Variants in MEGF8 observed in about 807,000 individuals in gnomAD.
MEGF8 encodes multiple epidermal growth factor-like domains protein 8.
A neutral mutation model predicts 302.9 loss-of-function variants in MEGF8; 156 were observed. The observed-to-expected ratio is 0.52, with a 90% CI of 0.45 to 0.59. The LOEUF is 0.59. MEGF8 is among the 20% of genes least tolerant of loss of function. The probability of loss-of-function intolerance (pLI) is 0.00; values close to 1 mark genes in which losing one functional copy is unlikely to be tolerated. For missense variants in MEGF8, 3,345 were observed against 3,964.5 expected (o/e 0.84, Z 4.20); for synonymous variants, 1,621 against 1,660.5 (o/e 0.98, Z 0.58).
rs779081162 is a variant in MEGF8, at chr19:42,352,065, TCTC to T, written c.3102-140_3102-138del. 4.8e-5 allele frequency: 55 copies of T among 1,149,692 alleles called. No homozygotes were observed. The highest frequency in any genetic ancestry group is 6.0e-5 in the Non-Finnish European group (50 of 836,618). 71.2% of individuals were successfully genotyped at this position (1,149,692 alleles called of 1,614,324 possible). On this transcript the variant is annotated intron_variant, in intron 18 of 41. Coordinates refer to ENST00000251268, the MANE Select transcript of MEGF8 (RefSeq NM_001271938.2). This position sits in a 1 kb window ranked among gnomAD's most constrained non-coding sequence, Gnocchi z 4.4. ...TCCAAAATTGTTTTTGTCTGCGACTTCTCCTGGTTTCTCTGTCTCTCTTTCCAA... is the reference window on the plus strand; with the variant it reads ...TCCAAAATTGTTTTTGTCTGCGACTTCTGGTTTCTCTGTCTCTCTTTCCAA...
Position 42,369,622 on chromosome 19 carries a change from G to T in MEGF8, c.6733G>T (p.Val2245Leu), listed in dbSNP as rs376399763. Residue 2245 changes from valine (V) to leucine (L), a missense_variant, in exon 38 of 42, where the codon GTG (valine) becomes TTG (leucine). Coordinates refer to ENST00000251268, the MANE Select transcript of MEGF8 (RefSeq NM_001271938.2). This position sits in a 1 kb window ranked among gnomAD's most constrained non-coding sequence, Gnocchi z 5.7. The stretch of plus-strand genomic sequence containing the variant: ...CCACTGCCGCTGCCACTTTGGCTTT[G>T]TGGGCCGCAACTGCTCCACGGAATG... ...PDHCRCHFGF[V>L]GRNCSTECRC... The T allele has an allele frequency of 6.2e-7, 1 of 1,612,942 alleles. No individual in the cohort carries two copies.
In MEGF8 at chr19:42,368,714, T is replaced by G; in HGVS notation, c.6481+52T>G. ...GAGGGGCTGGCCCTTGGTTGGGGTC[T>G]GATACAGTGAACATAGGGATACTGG... On this transcript the variant is annotated intron_variant, in intron 36 of 41. Transcript: ENST00000251268. This position sits in a 1 kb window ranked among gnomAD's most constrained non-coding sequence, Gnocchi z 4.9. 1 of 1,538,176 alleles carries G rather than the reference T, an allele frequency of 6.5e-7. No homozygotes were observed. Among genetic ancestry groups the G allele is most frequent in the Non-Finnish European group, 8.7e-7 (1 of 1,144,118 alleles).
chr19:42,370,206 G>C lies in MEGF8; in HGVS notation c.6852G>C (p.Gln2284His), dbSNP rs1449289672. Residue 2284 changes from glutamine to histidine, a missense_variant, in exon 39 of 42, where the codon CAG (glutamine) becomes CAC (histidine). Physicochemically the swap from Gln to His is conservative, Grantham distance 24. Transcript: ENST00000251268. ...RNHTKGSHCE[Q>H]CLPLFVGSAV... ...GTTCTCAGGGCAGCCACTGTGAGCA[G>C]TGCCTCCCGCTGTTTGTGGGTTCAG... The C allele has an allele frequency of 3.1e-6, 5 of 1,613,002 alleles. No individual in the cohort carries two copies. The African/African-American group carries it at 5.3e-5, about 17-fold the overall frequency.
At position 42,334,324 on chromosome 19, in the gene MEGF8, C is replaced by G; in HGVS notation, c.558+111C>G. ...CCTGCATGAAACTCCCCCCACCACC[C>G]CACCCTCCTCCGTGACACCCACTTC... On this transcript the variant is annotated intron_variant, in intron 3 of 41. Coordinates refer to ENST00000251268, the MANE Select transcript of MEGF8 (RefSeq NM_001271938.2). The G allele has an allele frequency of 3.9e-6, 4 of 1,020,368 alleles. No individual in the cohort carries two copies. The South Asian group carries it at 6.7e-5, about 17-fold the overall frequency. 63.2% of individuals were successfully genotyped at this position (1,020,368 alleles called of 1,614,324 possible).
Position 42,369,841 on chromosome 19 carries a change from G to A in MEGF8, c.6834+118G>A. 1 of 1,173,462 alleles carries A rather than the reference G, an allele frequency of 8.5e-7. No homozygotes were observed. Among genetic ancestry groups the A allele is most frequent in the Admixed American group, 2.4e-5 (1 of 41,698 alleles). 72.7% of individuals were successfully genotyped at this position (1,173,462 alleles called of 1,614,324 possible). A position where few individuals can be genotyped will look rare whatever the true frequency, so the allele number is the denominator to read the frequency against. ...GCCCTGATAAGCCAGGGACAGATAA[G>A]CCAGAGCCCTGTCCCAGGGAGATGT... On this transcript the variant is annotated intron_variant, in intron 38 of 41. Transcript: ENST00000251268. The surrounding 1 kb of genome is among the most constrained non-coding windows in gnomAD (Gnocchi z 5.7).
intron 41 of MEGF8, among the ~76,000 whole-genome samples, chr19:42,371,866 T>C (rs1413057390): frequency 6.6e-6 from 1 of 152,098 alleles, no homozygotes; most frequent in Non-Finnish European, 1.5e-5. Context: ...GAGGATCACT[T>C]GAGCCCGGGG....
At chr19:42,332,920 C>T (rs1298876518) in intron 1 of MEGF8, among the ~76,000 whole-genome samples, 2 of 152,138 alleles carry the variant, frequency 1.3e-5, no homozygotes, top group Non-Finnish European at 2.9e-5. Flanking sequence ...ATGAGGAGAC[C>T]GATCCAGAGG....
chr19:42,337,708 G>A (rs1183061932), intron 8 of MEGF8, among the ~76,000 whole-genome samples: 1 of 151,872 alleles, frequency 6.6e-6, no homozygotes, highest in African/African-American at 2.4e-5. Context: ...GGGTTTCACC[G>A]TGTTAGCCAG....
chr19:42,356,298 C>T lies in MEGF8; in HGVS notation c.4504-37C>T, dbSNP rs763548217. ...ACCCAGGCCTGGCACTTTGTCCTGACCCTAGCCTGATCCCCAATGTCCGCA... is the reference window on the plus strand; with the variant it reads ...ACCCAGGCCTGGCACTTTGTCCTGATCCTAGCCTGATCCCCAATGTCCGCA... On this transcript the variant is annotated intron_variant, in intron 25 of 41. Transcript: ENST00000251268. This position sits in a 1 kb window ranked among gnomAD's most constrained non-coding sequence, Gnocchi z 5.2. The T allele has an allele frequency of 5.0e-6, 8 of 1,590,424 alleles. No homozygotes were observed. The highest frequency in any genetic ancestry group is 1.3e-5 in the African/African-American group (1 of 74,306).
chr19:42,370,838 GGAA>G lies in MEGF8; in HGVS notation c.7136+8_7136+10del. On this transcript the variant is annotated splice_region_variant and intron_variant, in intron 40 of 41. Coordinates refer to ENST00000251268, the MANE Select transcript of MEGF8 (RefSeq NM_001271938.2). ...TGGACGGGAAGTGCACCAAGTAAGA[GGAA>G]CCGGGGGGGGGGGGGGGGGGGGGGG... 1 of 252,868 alleles carries G rather than the reference GGAA, an allele frequency of 4.0e-6. No homozygotes were observed. The highest frequency in any genetic ancestry group is 3.0e-5 in the South Asian group (1 of 33,646). The allele number at this position is 252,868 out of a possible 1,614,324, so 15.7% of individuals were successfully genotyped here. A position where few individuals can be genotyped will look rare whatever the true frequency, so the allele number is the denominator to read the frequency against.
chr19:42,333,756 T>C lies in MEGF8; in HGVS notation c.339T>C (p.Ala113=). Residue 113 remains alanine, a synonymous_variant, in exon 2 of 42, where the codon GCT becomes GCC. Coordinates refer to ENST00000251268, the MANE Select transcript of MEGF8 (RefSeq NM_001271938.2). ...SGSTRPPPIE[A]SSGKMLLHLF... ...GCACCCGACCTCCGCCCATCGAAGC[T>C]TCCTCAGGCAAGGTTAGTGGGGATG... 6.2e-7 allele frequency: 1 copy of C among 1,613,858 alleles called. No homozygotes were observed. The highest frequency in any genetic ancestry group is 8.5e-7 in the Non-Finnish European group (1 of 1,179,834).
At position 42,362,867 on chromosome 19, in the gene MEGF8, C is replaced by T. The variant is rs184090168; in HGVS notation, c.6059-181C>T. ...GAGGAGGGGCTGGGGGCCTGGACTC[C>T]TGGGTCTGAGGGAGGAGGGGCTGGG... On this transcript the variant is annotated intron_variant, in intron 34 of 41. Transcript: ENST00000251268. Among the ~76,000 whole-genome samples, 3,925 of 145,428 alleles carry T rather than the reference C, an allele frequency of 0.027. 151 individuals carry two copies. The highest frequency in any genetic ancestry group is 0.096 in the African/African-American group (3,676 of 38,296).
At chr19:42,371,531 A>T in intron 41 of MEGF8, 49 bp downstream of exon 41, 1 of 1,610,290 alleles carries the variant, frequency 6.2e-7, no homozygotes, top group Non-Finnish European at 8.5e-7. Context: ...CACCTTGTGG[A>T]GGTCAGGGCT....
At chr19:42,355,144 A>T (rs2039432712) in intron 23 of MEGF8, among the ~76,000 whole-genome samples, 1 of 152,098 alleles carries the variant, frequency 6.6e-6, no homozygotes, top group South Asian at 2.1e-4. Flanking sequence ...TTTAGTAGAG[A>T]CAGGGTTTCA....
In MEGF8 at chr19:42,370,191, C is replaced by T; in HGVS notation, c.6837C>T (p.Gly2279=). ...ACTACCCTGTCCTGGGTTCTCAGGG[C>T]AGCCACTGTGAGCAGTGCCTCCCGC... The part of the protein sequence containing the change: ...HCLLCRNHTK[G]SHCEQCLPLF... The change falls in exon 39 of 42, where the codon GGC becomes GGT. Residue 2279 remains glycine, a splice_region_variant and synonymous_variant. Transcript: ENST00000251268. 6.2e-7 allele frequency: 1 copy of T among 1,611,392 alleles called. No individual in the cohort carries two copies. Among genetic ancestry groups the T allele is most frequent in the Non-Finnish European group, 8.5e-7 (1 of 1,179,132 alleles).
Position 42,326,324 on chromosome 19 carries a change from G to C in MEGF8, c.81G>C (p.Ala27=). Residue 27 remains alanine (A), a synonymous_variant, in exon 1 of 42, where the codon GCG becomes GCC. Coordinates refer to ENST00000251268, the MANE Select transcript of MEGF8 (RefSeq NM_001271938.2). ...GGTCGCTGTCCCCTGGGGCCCGGGC[G>C]GGGGACTGCAAGGGGCAGCGGCAGG... ...VLGSLSPGAR[A]GDCKGQRQVL... is the part of the protein sequence containing the mutation. 1 of 1,569,418 alleles carries C rather than the reference G, an allele frequency of 6.4e-7. No individual in the cohort carries two copies. The highest frequency in any genetic ancestry group is 8.6e-7 in the Non-Finnish European group (1 of 1,163,602).
Position 42,358,257 on chromosome 19 carries a change from C to T in MEGF8, c.5125C>T (p.His1709Tyr), listed in dbSNP as rs770586263. Residue 1709 changes from histidine to tyrosine, a missense_variant, in exon 29 of 42, where the codon CAC becomes TAC. Physicochemically the swap from His to Tyr is moderately conservative, Grantham distance 83. Coordinates refer to ENST00000251268, the MANE Select transcript of MEGF8 (RefSeq NM_001271938.2). This position sits in a 1 kb window ranked among gnomAD's most constrained non-coding sequence, Gnocchi z 4.4. The stretch of plus-strand genomic sequence containing the variant: ...CCCATCCCCCGAGCTCTACTCCCTG[C>T]ACTGTCCTGACCGCACCTGGAGTCT... ...AAPSPELYSL[H>Y]CPDRTWSLLA... The T allele has an allele frequency of 6.2e-6, 10 of 1,605,702 alleles. No individual in the cohort carries two copies. Among genetic ancestry groups the T allele is most frequent in the Non-Finnish European group, 8.5e-6 (10 of 1,176,598 alleles).
chr19:42,350,984 ACCCG>A (rs2039360790), intron 15 of MEGF8: 4 of 571,584 alleles, frequency 7.0e-6, no homozygotes, highest in Non-Finnish European at 1.2e-5. Flanking sequence ...AATAAGCCCC[ACCCG>A]GACCACACAG....
chr19:42,334,177 C>T lies in MEGF8; in HGVS notation c.522C>T (p.Cys174=), dbSNP rs1286920248. ...GTCCTGACTGTGGCCTGCAGGAGTG[C>T]TCAGCCTACTGTGGCAGCCACGGCA... ...WGGPDCGLQE[C]SAYCGSHGTC... is the part of the protein sequence containing the mutation. Residue 174 remains cysteine (C), a synonymous_variant, in exon 3 of 42, where the codon TGC becomes TGT. Transcript: ENST00000251268. The T allele has an allele frequency of 1.2e-6, 2 of 1,609,248 alleles. No individual in the cohort carries two copies. Among genetic ancestry groups the T allele is most frequent in the African/African-American group, 2.7e-5 (2 of 74,844 alleles).
Sources: gnomAD v4.1 joint callset for allele counts (sites outside exome capture counted in the v4.1 genomes callset) on GRCh38, gnomAD v4.1.1 for gene constraint, Gnocchi (gnomAD v3.1) non-coding constraint, MANE v1.5 for transcripts, NCBI Gene and HGNC (gene_info 2026-07-23, HGNC 2026-07-21) for gene names.